PLEKHH2: variants seen among roughly 807,000 people sequenced by gnomAD.
PLEKHH2 encodes the protein pleckstrin homology domain-containing family H member 2.
PLEKHH2 carries 129 observed loss-of-function variants against 187.9 expected under a neutral mutation model. The observed-to-expected ratio is 0.69, with a 90% CI of 0.59 to 0.79. The LOEUF (loss-of-function observed/expected upper bound fraction) is 0.79, where lower values mean the gene tolerates loss of function less well. Among genes scored for constraint, PLEKHH2 ranks in the 30% least tolerant of loss-of-function variants. PLEKHH2 has a pLI of 0.00. For synonymous variants in PLEKHH2, 686 were observed against 605.6 expected, an observed-to-expected ratio of 1.13 and a Z score of -1.95; for missense variants, 2,076 against 1,751.2, an observed-to-expected ratio of 1.19 and a Z score of -3.31.
intron 2 of PLEKHH2, chr2:43,675,298 A>G: frequency 1.1e-6 from 1 of 942,758 alleles, no homozygotes; most frequent in Non-Finnish European, 1.6e-6. Flanking sequence ...CGTATTTTAC[A>G]CTTACACTGT....
chr2:43,685,864 T>C (rs1668478978), intron 3 of PLEKHH2, among the ~76,000 whole-genome samples: 1 of 152,208 alleles, frequency 6.6e-6, no homozygotes, highest in African/African-American at 2.4e-5. Flanking sequence ...ATTTGGAAAA[T>C]ACTGACATAT....
intron 2 of PLEKHH2, among the ~76,000 whole-genome samples, chr2:43,651,143 CT>C (rs1666449443): frequency 8.7e-6 from 1 of 114,912 alleles, no homozygotes; most frequent in African/African-American, 3.7e-5. Flanking sequence ...GAGTTAAAAT[CT>C]TTTCATTCAT....
chr2:43,749,048 CG>C (rs1671903265), intron 24 of PLEKHH2, among the ~76,000 whole-genome samples: 1 of 152,112 alleles, frequency 6.6e-6, no homozygotes, highest in Non-Finnish European at 1.5e-5. Flanking sequence ...TGAGCCACTG[CG>C]CCCAGCCAAG....
chr2:43,681,694 G>T (rs957806421), intron 3 of PLEKHH2: 9 of 539,706 alleles, frequency 1.7e-5, no homozygotes, highest in Non-Finnish European at 2.9e-5. Context: ...ACTCCATCAG[G>T]CCACTGAGGG....
intron 2 of PLEKHH2, among the ~76,000 whole-genome samples, chr2:43,646,432 G>T (rs1443694924): frequency 6.6e-6 from 1 of 152,160 alleles, no homozygotes; most frequent in Non-Finnish European, 1.5e-5. Flanking sequence ...CCTCTCAGCA[G>T]TTGACACTGT....
intron 29 of PLEKHH2, among the ~76,000 whole-genome samples, chr2:43,764,864 A>G (rs919570892): frequency 6.6e-6 from 1 of 152,248 alleles, no homozygotes; most frequent in Non-Finnish European, 1.5e-5. Context: ...CAATAAATAA[A>G]TGGATTACAT....
chr2:43,682,519 C>T (rs770318516), intron 3 of PLEKHH2, among the ~76,000 whole-genome samples: 3 of 152,120 alleles, frequency 2.0e-5, no homozygotes, highest in Non-Finnish European at 2.9e-5. Context: ...GTTGGCCAGG[C>T]TGGTCTCGAA....
intron 8 of PLEKHH2, 139 bp from the exon 9 acceptor site, chr2:43,703,842 G>C (rs1373546579): frequency 3.6e-6 from 2 of 551,850 alleles, no homozygotes; most frequent in Non-Finnish European, 6.2e-6. Context: ...CACCGATGAT[G>C]GTTTTATAAT....
At chr2:43,747,998 A>G (rs1253995073) in intron 24 of PLEKHH2, among the ~76,000 whole-genome samples, 4 of 152,214 alleles carry the variant, frequency 2.6e-5, no homozygotes, top group Admixed American at 1.3e-4. Flanking sequence ...TTCTTTGTCA[A>G]TGTTTTTGTT....
chr2:43,720,859 G>T, intron 16 of PLEKHH2, 110 bp downstream of exon 16: 1 of 1,448,946 alleles, frequency 6.9e-7, no homozygotes, highest in Non-Finnish European at 9.1e-7. Context: ...ATCTTTATGA[G>T]GTTGAAATTT....
chr2:43,711,058 A>G, intron 14 of PLEKHH2: 1 of 988,204 alleles, frequency 1.0e-6, no homozygotes, highest in Non-Finnish European at 1.2e-6. Flanking sequence ...CAAGCAAGTC[A>G]CACTGTAGGG....
chr2:43,676,074 G>C lies in PLEKHH2; in HGVS notation c.124-2789G>C, dbSNP rs779030253. On this transcript the variant is annotated intron_variant, in intron 2 of 29. Coordinates refer to ENST00000282406, the MANE Select transcript of PLEKHH2 (RefSeq NM_172069.4). ...TCCAGGTCTCTTTCAGTACAGCCCA[G>C]TAACTCTCATCTTCGGATTCTCCAA... is the stretch of plus-strand genomic sequence containing the variant. 6 of 1,613,880 alleles carry C rather than the reference G, an allele frequency of 3.7e-6. No homozygotes were observed. The South Asian group carries it at 6.6e-5, about 18-fold the overall frequency.
intron 2 of PLEKHH2, among the ~76,000 whole-genome samples, chr2:43,678,298 C>T (rs1667966437): frequency 1.3e-5 from 2 of 152,018 alleles, no homozygotes; most frequent in South Asian, 4.2e-4. Flanking sequence ...CCTCACTTCC[C>T]AGACGGGGTG....
At position 43,738,382 on chromosome 2, in the gene PLEKHH2, A is replaced by C; in HGVS notation, c.2985A>C (p.Ala995=). The C allele has an allele frequency of 6.2e-7, 1 of 1,613,030 alleles. No individual in the cohort carries two copies. Among genetic ancestry groups the C allele is most frequent in the Non-Finnish European group, 8.5e-7 (1 of 1,179,282 alleles). ...TAAATGCTGCAGTTGACTCTCCTGCAATTGATTACCACATATCTTTAGCCC... is the reference window on the plus strand; with the variant it reads ...TAAATGCTGCAGTTGACTCTCCTGCCATTGATTACCACATATCTTTAGCCC... ...LFINAAVDSP[A]IDYHISLAQS... Residue 995 remains alanine, a synonymous_variant, in exon 20 of 30, where the codon GCA becomes GCC. Transcript: ENST00000282406.
intron 2 of PLEKHH2, among the ~76,000 whole-genome samples, chr2:43,646,653 GTGT>G (rs1349202036): frequency 4.6e-5 from 7 of 152,066 alleles, no homozygotes; most frequent in Non-Finnish European, 1.0e-4. Flanking sequence ...AATAATAAAA[GTGT>G]TGTTATCTCC....
intron 15 of PLEKHH2, among the ~76,000 whole-genome samples, chr2:43,716,362 A>G (rs1017471324): frequency 3.0e-4 from 46 of 152,180 alleles, no homozygotes; most frequent in African/African-American, 1.1e-3. Flanking sequence ...GAGTGATATC[A>G]TGTCTAATAT....
At chr2:43,686,837 A>T (rs1202920661) in intron 3 of PLEKHH2, among the ~76,000 whole-genome samples, 1 of 152,196 alleles carries the variant, frequency 6.6e-6, no homozygotes, top group Admixed American at 6.5e-5. Context: ...AAGAAGCTTT[A>T]AAAAGATATT....
chr2:43,637,776 C>T (rs188627963), intron 1 of PLEKHH2, among the ~76,000 whole-genome samples: 30 of 152,314 alleles, frequency 2.0e-4, no homozygotes, highest in Admixed American at 5.9e-4. Flanking sequence ...GGATGCCGCG[C>T]TCGCCTTAGG....
intron 2 of PLEKHH2, chr2:43,676,053 G>C (rs767138841): frequency 6.2e-7 from 1 of 1,613,910 alleles, no homozygotes; most frequent in South Asian, 1.1e-5. Flanking sequence ...GTTTGGTCCA[G>C]GTCTCTTTCA....
Sources: gnomAD v4.1 joint callset for allele counts (sites outside exome capture counted in the v4.1 genomes callset) on GRCh38, gnomAD v4.1.1 for gene constraint, MANE v1.5 for transcripts, NCBI Gene and HGNC (gene_info 2026-07-23, HGNC 2026-07-21) for gene names.